Variants in IL1RAP observed in about 807,000 individuals in gnomAD.
IL1RAP encodes the protein interleukin-1 receptor accessory protein.
IL1RAP carries 35 observed loss-of-function variants against 60.7 expected under a neutral mutation model. The ratio of observed to expected loss-of-function variants is 0.58; its 90% CI spans 0.44 to 0.76. The LOEUF (loss-of-function observed/expected upper bound fraction) is 0.76, where lower values mean the gene tolerates loss of function less well. Among genes scored for constraint, IL1RAP ranks in the 30% least tolerant of loss-of-function variants. The pLI, the probability that IL1RAP is intolerant of heterozygous loss-of-function variation, is 0.00. For synonymous variants in IL1RAP, 268 were observed against 250.9 expected (o/e 1.07, Z -0.64); for missense variants, 572 against 693.9 (o/e 0.82, Z 1.97).
At chr3:190,593,178 A>C (rs1441025063) in intron 3 of IL1RAP, among the ~76,000 whole-genome samples, 1 of 151,784 alleles carries the variant, frequency 6.6e-6, no homozygotes, top group Non-Finnish European at 1.5e-5. Context: ...TTATTCAATC[A>C]AGAAAACTTC....
chr3:190,625,897 G>A (rs186845329), intron 7 of IL1RAP, among the ~76,000 whole-genome samples: 5 of 152,288 alleles, frequency 3.3e-5, no homozygotes, highest in South Asian at 2.1e-4. Flanking sequence ...TGTTGAATCC[G>A]TGTTCCCTTT....
At chr3:190,633,367 A>ATTTTTTTTTT (rs1468781655) in intron 9 of IL1RAP, among the ~76,000 whole-genome samples, 2 of 151,818 alleles carry the variant, frequency 1.3e-5, no homozygotes, top group African/African-American at 4.8e-5. Flanking sequence ...TTTTATTTAA[A>ATTTTTTTTTT]TTTATTTTTG....
At chr3:190,533,843 A>G (rs1047317343) in intron 1 of IL1RAP, among the ~76,000 whole-genome samples, 1 of 151,452 alleles carries the variant, frequency 6.6e-6, no homozygotes, top group Non-Finnish European at 1.5e-5. Flanking sequence ...CCTGAAAAAT[A>G]CTCCCTTTGC....
chr3:190,606,781 G>T (rs1469007), intron 4 of IL1RAP, among the ~76,000 whole-genome samples: 105,521 of 151,952 alleles, frequency 0.69, 36,986 homozygotes, highest in East Asian at 0.82. Flanking sequence ...AGGAAATGTC[G>T]AATCTGAGAA....
At chr3:190,619,721 C>A in intron 5 of IL1RAP, among the ~76,000 whole-genome samples, 1 of 144,970 alleles carries the variant, frequency 6.9e-6, no homozygotes, top group Admixed American at 7.0e-5. Context: ...TGATGAGACC[C>A]TATCTCAAAA....
chr3:190,615,855 G>A (rs1247025584), intron 5 of IL1RAP, among the ~76,000 whole-genome samples: 3 of 152,180 alleles, frequency 2.0e-5, no homozygotes, highest in African/African-American at 7.2e-5. Flanking sequence ...TAGAGATATT[G>A]TTGAGAAGTT....
chr3:190,599,594 A>T (rs1729677724), intron 3 of IL1RAP, among the ~76,000 whole-genome samples: 1 of 149,002 alleles, frequency 6.7e-6, no homozygotes, highest in Admixed American at 6.7e-5. Flanking sequence ...ATTTCTATCC[A>T]TTATTCTGGG....
intron 9 of IL1RAP, 71 bp downstream of exon 9, chr3:190,629,569 A>G: frequency 6.6e-7 from 1 of 1,526,380 alleles, no homozygotes; most frequent in Non-Finnish European, 8.8e-7. Flanking sequence ...ACAAAAGGAG[A>G]GATTGAGAAC....
intron 7 of IL1RAP, among the ~76,000 whole-genome samples, chr3:190,626,712 C>T (rs1452456109): frequency 2.8e-5 from 4 of 144,988 alleles, no homozygotes; most frequent in African/African-American, 8.0e-5. Context: ...ACTCTGTTGC[C>T]CAGGCTGGAG....
At chr3:190,601,411 A>AT (rs1729849384) in intron 3 of IL1RAP, among the ~76,000 whole-genome samples, 1 of 152,180 alleles carries the variant, frequency 6.6e-6, no homozygotes, top group Non-Finnish European at 1.5e-5. Context: ...AACAACACTG[A>AT]TTTTTCCAAT....
intron 1 of IL1RAP, among the ~76,000 whole-genome samples, chr3:190,531,163 G>A (rs1325084112): frequency 6.6e-6 from 1 of 152,002 alleles, no homozygotes; most frequent in African/African-American, 2.4e-5. Flanking sequence ...AGGTGGGAGG[G>A]TCCCTTGAGC....
At chr3:190,630,212 A>G (rs1323760958) in intron 9 of IL1RAP, 8 of 771,860 alleles carry the variant, frequency 1.0e-5, no homozygotes, top group Non-Finnish European at 1.3e-5. Context: ...CATGATTTCT[A>G]TGTTGATAGT....
At chr3:190,609,342 C>T (rs1298759694) in intron 5 of IL1RAP, among the ~76,000 whole-genome samples, 161 bp downstream of exon 5, 1 of 152,102 alleles carries the variant, frequency 6.6e-6, no homozygotes, top group Non-Finnish European at 1.5e-5. Context: ...TCATTTTGTA[C>T]CATTTTAAAG....
chr3:190,604,457 T>G, intron 4 of IL1RAP, 44 bp downstream of exon 4: 1 of 1,584,378 alleles, frequency 6.3e-7, no homozygotes, highest in East Asian at 2.2e-5. Context: ...CCCTTTAGTT[T>G]CTGGGCTCTT....
chr3:190,650,403 C>T lies in IL1RAP; in HGVS notation c.*1698C>T. Reference sequence around the variant, plus strand: ...ATTAATTGATTTCCTACTATATTCCCAGCAGACACATTTAGAAACTAAGCT... The same window carrying T: ...ATTAATTGATTTCCTACTATATTCCTAGCAGACACATTTAGAAACTAAGCT... On this transcript the variant is annotated 3_prime_UTR_variant, in exon 12 of 12. Coordinates refer to ENST00000447382, the MANE Select transcript of IL1RAP (RefSeq NM_002182.4). 2.0e-6 allele frequency: 2 copies of T among 985,414 alleles called. No homozygotes were observed. Among genetic ancestry groups the T allele is most frequent in the African/African-American group, 1.7e-5 (1 of 57,374 alleles). 61.0% of individuals were successfully genotyped at this position (985,414 alleles called of 1,614,324 possible).
intron 3 of IL1RAP, among the ~76,000 whole-genome samples, chr3:190,586,766 T>G (rs1172147858): frequency 6.6e-6 from 1 of 151,866 alleles, no homozygotes; most frequent in East Asian, 1.9e-4. Context: ...CCTCTGCTTT[T>G]TAAAAGTGGG....
At chr3:190,613,137 A>G (rs1730964800) in intron 5 of IL1RAP, among the ~76,000 whole-genome samples, 1 of 152,214 alleles carries the variant, frequency 6.6e-6, no homozygotes, top group South Asian at 2.1e-4. Context: ...AAGGAGAGAG[A>G]GATATGTATC....
chr3:190,589,869 C>T (rs778336301), intron 3 of IL1RAP, among the ~76,000 whole-genome samples: 56 of 152,168 alleles, frequency 3.7e-4, no homozygotes, highest in Non-Finnish European at 6.6e-4. Flanking sequence ...TGTTCACTGA[C>T]GTATCCTTGG....
chr3:190,568,504 C>G (rs1328472348), intron 3 of IL1RAP, among the ~76,000 whole-genome samples: 1 of 152,184 alleles, frequency 6.6e-6, no homozygotes, highest in East Asian at 1.9e-4. Flanking sequence ...TGGAAATCAT[C>G]TATCCAATGA....
Sources: gnomAD v4.1 joint callset for allele counts (sites outside exome capture counted in the v4.1 genomes callset) on GRCh38, gnomAD v4.1.1 for gene constraint, MANE v1.5 for transcripts, NCBI Gene and HGNC (gene_info 2026-07-23, HGNC 2026-07-21) for gene names.